NELL2: variants seen among roughly 807,000 people sequenced by gnomAD.
NELL2 encodes neural EGFL like 2, also known as protein kinase C-binding protein NELL2.
A neutral mutation model predicts 109.6 loss-of-function variants in NELL2; 41 were observed. The observed-to-expected ratio is 0.37, with a 90% CI of 0.29 to 0.49. The LOEUF (loss-of-function observed/expected upper bound fraction) is 0.49. NELL2 is among the 20% of genes least tolerant of loss of function. The pLI is 0.98. For missense variants in NELL2, 900 were observed against 1,008.3 expected, an observed-to-expected ratio of 0.89 and a Z score of 1.45; for synonymous variants, 355 against 344.7, an observed-to-expected ratio of 1.03 and a Z score of -0.33.
chr12:44,774,654 G>T, intron 9 of NELL2, 93 bp downstream of exon 9: 1 of 983,770 alleles, frequency 1.0e-6, no homozygotes, highest in Non-Finnish European at 1.6e-6. Flanking sequence ...AAGCTATTTA[G>T]CTTGCCCAGA....
upstream of NELL2, among the ~76,000 whole-genome samples, chr12:44,914,752 C>T (rs767454420): frequency 2.0e-5 from 3 of 152,026 alleles, no homozygotes; most frequent in Admixed American, 6.6e-5. Flanking sequence ...TGGATATATA[C>T]TCCTGGAGTG....
chr12:44,682,653 C>G (rs1016142910), intron 12 of NELL2, among the ~76,000 whole-genome samples: 27 of 152,194 alleles, frequency 1.8e-4, no homozygotes, highest in African/African-American at 6.5e-4. Flanking sequence ...CCAGTTTCCC[C>G]AGCACCATTT....
chr12:44,696,067 A>G (rs1949055676), intron 12 of NELL2, among the ~76,000 whole-genome samples: 3 of 152,234 alleles, frequency 2.0e-5, no homozygotes, highest in Admixed American at 1.3e-4. Context: ...TATTTTGTAC[A>G]TAGGCTAGAA....
intron 12 of NELL2, among the ~76,000 whole-genome samples, chr12:44,700,489 A>G (rs1478798279): frequency 1.3e-5 from 2 of 152,130 alleles, no homozygotes; most frequent in Non-Finnish European, 2.9e-5. Flanking sequence ...GCTCTCTGCT[A>G]CTGGCCTTCC....
In NELL2 at chr12:44,646,612, A is replaced by G. The variant is rs1174534379; in HGVS notation, c.1444+18872T>C. 4.6e-5 allele frequency among the ~76,000 whole-genome samples: 7 copies of G among 152,320 alleles called. No individual in the cohort carries two copies. The East Asian group carries it at 1.2e-3, about 25-fold the overall frequency. On this transcript the variant is annotated intron_variant, in intron 13 of 19. Transcript: ENST00000429094. Reference sequence around the variant, plus strand: ...AAAATACTTTATTGTACTGTACTCAACCATTTTTGGATTGCTGCAGATTTT... The same window carrying G: ...AAAATACTTTATTGTACTGTACTCAGCCATTTTTGGATTGCTGCAGATTTT...
At chr12:44,522,357 A>T (rs1165997214) in intron 17 of NELL2, among the ~76,000 whole-genome samples, 181 bp from the exon 18 acceptor site, 1 of 152,172 alleles carries the variant, frequency 6.6e-6, no homozygotes, top group East Asian at 1.9e-4. Context: ...AAATTACCTA[A>T]GCTGGAGGAT....
chr12:44,879,289 A>G (rs905095222), upstream of NELL2, among the ~76,000 whole-genome samples: 14 of 152,202 alleles, frequency 9.2e-5, no homozygotes, highest in African/African-American at 3.4e-4. Flanking sequence ...CTTCTGAACA[A>G]CCATCCGTAA....
chr12:44,648,728 TATA>T (rs1446087665), intron 13 of NELL2, among the ~76,000 whole-genome samples: 1 of 99,940 alleles, frequency 1.0e-5, no homozygotes, highest in African/African-American at 5.6e-5. Context: ...TATATATATA[TATA>T]TTTTTTTTTT....
At chr12:44,524,893 AT>A (rs1292591557) in intron 16 of NELL2, among the ~76,000 whole-genome samples, 16 of 152,208 alleles carry the variant, frequency 1.1e-4, no homozygotes, top group Admixed American at 6.5e-4. Context: ...ATTTTTTCAG[AT>A]TAGAGAAAAT....
intron 15 of NELL2, among the ~76,000 whole-genome samples, chr12:44,599,106 C>A (rs1021528618): frequency 6.6e-6 from 1 of 152,106 alleles, no homozygotes; most frequent in African/African-American, 2.4e-5. Flanking sequence ...CCCTGCTACA[C>A]CTGCGGAAAC....
intron 9 of NELL2, among the ~76,000 whole-genome samples, chr12:44,738,156 T>C (rs1158156395): frequency 3.9e-5 from 6 of 152,194 alleles, no homozygotes; most frequent in African/African-American, 1.2e-4. Context: ...TGTAGTCTAT[T>C]GCCCCTCAGT....
chr12:44,558,597 AG>A (rs1943344319), intron 15 of NELL2, among the ~76,000 whole-genome samples: 1 of 152,116 alleles, frequency 6.6e-6, no homozygotes, highest in Admixed American at 6.6e-5. Context: ...CCCCTCCCTA[AG>A]GGAAGCTGTG....
chr12:44,804,593 T>A (rs765395680), intron 3 of NELL2, among the ~76,000 whole-genome samples: 1 of 151,900 alleles, frequency 6.6e-6, no homozygotes, highest in Non-Finnish European at 1.5e-5. Flanking sequence ...AAAAAAATTA[T>A]ATTTTTAAAT....
At chr12:44,809,662 C>A (rs957092285) in intron 3 of NELL2, among the ~76,000 whole-genome samples, 1 of 152,184 alleles carries the variant, frequency 6.6e-6, no homozygotes, top group Admixed American at 6.6e-5. Flanking sequence ...TTGTTCATGG[C>A]ACACCAGGGC....
Position 44,776,141 on chromosome 12 carries a change from C to T in NELL2, c.772G>A (p.Ala258Thr). 1 of 1,613,612 alleles carries T rather than the reference C, an allele frequency of 6.2e-7. No individual in the cohort carries two copies. The highest frequency in any genetic ancestry group is 8.5e-7 in the Non-Finnish European group (1 of 1,179,826). The change falls in exon 8 of 20, where the codon GCT becomes ACT. Residue 258 changes from alanine (A) to threonine (T), a missense_variant. Physicochemically the swap from Ala to Thr is moderately conservative, Grantham distance 58. Transcript: ENST00000429094. ...TCCAATCTATTCATTCGCTGTTCAG[C>T]TCGAGACAGCTGTGGCACAAAAGAA... ...LAKTSAKLSRAEQRMNRLDQC... is the reference protein window; with the variant it reads ...LAKTSAKLSRTEQRMNRLDQC...
At chr12:44,766,299 G>C (rs942511137) in intron 9 of NELL2, among the ~76,000 whole-genome samples, 1 of 152,166 alleles carries the variant, frequency 6.6e-6, no homozygotes. Context: ...CCATTGGAGA[G>C]GCCAGTGCAG....
At chr12:44,568,947 T>A (rs1379345813) in intron 15 of NELL2, among the ~76,000 whole-genome samples, 1 of 152,130 alleles carries the variant, frequency 6.6e-6, no homozygotes, top group African/African-American at 2.4e-5. Flanking sequence ...ACTTGTGTCA[T>A]GGGATTTTCT....
rs570031632 is a variant in NELL2, at chr12:44,816,486, TGAAC to T, written c.185-354_185-351del. 3.9e-3 allele frequency among the ~76,000 whole-genome samples: 589 copies of T among 152,260 alleles called. 3 individuals are homozygous for T. Among genetic ancestry groups the T allele is most frequent in the African/African-American group, 0.013 (549 of 41,550 alleles). ...AACACAGCAACATCAGTGTCAACAA[TGAAC>T]AAAAAGATGTGCTTCCTAGAATAGG... On this transcript the variant is annotated intron_variant, in intron 2 of 19. Transcript: ENST00000429094.
intron 15 of NELL2, among the ~76,000 whole-genome samples, chr12:44,584,174 A>C (rs1184555748): frequency 6.6e-6 from 1 of 152,228 alleles, no homozygotes; most frequent in African/African-American, 2.4e-5. Context: ...CTTATCATTA[A>C]GGTAGTTAAA....
Sources: gnomAD v4.1 joint callset for allele counts (sites outside exome capture counted in the v4.1 genomes callset) on GRCh38, gnomAD v4.1.1 for gene constraint, MANE v1.5 for transcripts, NCBI Gene and HGNC (gene_info 2026-07-23, HGNC 2026-07-21) for gene names.